Variants in P4HA1 observed in about 807,000 individuals in gnomAD.
The protein encoded by P4HA1 is prolyl 4-hydroxylase subunit alpha-1.
In P4HA1, 24 loss-of-function variants were observed where a neutral mutation model predicts 72.8. The ratio of observed to expected loss-of-function variants is 0.33; its 90% confidence interval spans 0.24 to 0.46. The LOEUF (loss-of-function observed/expected upper bound fraction) is 0.46, where lower values mean the gene tolerates loss of function less well. Among genes scored for constraint, P4HA1 ranks in the 20% least tolerant of loss-of-function variants. The pLI, the probability that P4HA1 is intolerant of heterozygous loss-of-function variation, is 1.00. For missense variants in P4HA1, 446 were observed against 640.6 expected (o/e 0.70, Z 3.28); for synonymous variants, 201 against 218.8 (o/e 0.92, Z 0.72).
intron 5 of P4HA1, among the ~76,000 whole-genome samples, chr10:73,063,097 C>T (rs1252248496): frequency 6.6e-6 from 1 of 152,182 alleles, no homozygotes; most frequent in East Asian, 1.9e-4. Flanking sequence ...CCGCCTTCCA[C>T]TCTAGGAAAG....
chr10:73,037,549 ATATATATATATATATATATATAT>A (rs1483649386), intron 9 of P4HA1, among the ~76,000 whole-genome samples: 67 of 29,324 alleles, frequency 2.3e-3, no homozygotes, highest in East Asian at 0.016. Context: ...ATATATATAT[ATATATATATATATATATATATAT>A]TTTTTTTTTT....
At chr10:73,045,230 GTT>G (rs368227568) in intron 8 of P4HA1, among the ~76,000 whole-genome samples, 179 bp from the exon 9 acceptor site, 13 of 145,256 alleles carry the variant, frequency 8.9e-5, no homozygotes, top group African/African-American at 3.0e-4. Flanking sequence ...GGTTTTTGGG[GTT>G]TTTTTTTTTT....
chr10:73,066,827 T>C (rs2133122393), intron 5 of P4HA1, among the ~76,000 whole-genome samples: 1 of 152,284 alleles, frequency 6.6e-6, no homozygotes, highest in Non-Finnish European at 1.5e-5. Context: ...CCTCATTCTC[T>C]TTCCTGCCAC....
chr10:73,074,759 A>T (rs1165632580), intron 2 of P4HA1, 49 bp downstream of exon 2: 1 of 968,158 alleles, frequency 1.0e-6, no homozygotes, highest in Non-Finnish European at 1.7e-6. Flanking sequence ...TAAAAAATGG[A>T]AATTAAAAAA....
intron 1 of P4HA1, among the ~76,000 whole-genome samples, chr10:73,088,822 A>G (rs1480864562): frequency 6.6e-6 from 1 of 152,216 alleles, no homozygotes; most frequent in Non-Finnish European, 1.5e-5. Flanking sequence ...TTGTGTGACT[A>G]AATTCTCTAT....
At chr10:73,087,649 A>T (rs1016359612) in intron 1 of P4HA1, among the ~76,000 whole-genome samples, 21 of 151,460 alleles carry the variant, frequency 1.4e-4, no homozygotes, top group Admixed American at 4.6e-4. Flanking sequence ...GCTCTTTTTA[A>T]TTAGGTTGTT....
chr10:73,094,481 C>G lies in P4HA1; in HGVS notation c.-33+2285G>C, dbSNP rs1296425951. Among the ~76,000 whole-genome samples, 3 of 152,158 alleles carry G rather than the reference C, an allele frequency of 2.0e-5. No individual in the cohort carries two copies. The East Asian group carries it at 5.8e-4, about 29-fold the overall frequency. On this transcript the variant is annotated intron_variant, in intron 1 of 14. Coordinates refer to ENST00000394890, the MANE Select transcript of P4HA1 (RefSeq NM_001017962.3). ...ATAGGACCACACCTTTCATCAGATT[C>G]TCAAAGGATTTCATGACCTTAAAAT... is the stretch of plus-strand genomic sequence containing the variant.
At chr10:73,063,879 G>A (rs1341298794) in intron 5 of P4HA1, among the ~76,000 whole-genome samples, 1 of 152,148 alleles carries the variant, frequency 6.6e-6, no homozygotes, top group Non-Finnish European at 1.5e-5. Context: ...CAAAAGTAAT[G>A]CAGCATTTGA....
At chr10:73,035,366 ATAAAT>A (rs1259984552) in intron 9 of P4HA1, among the ~76,000 whole-genome samples, 2 of 152,200 alleles carry the variant, frequency 1.3e-5, no homozygotes, top group Admixed American at 6.5e-5. Flanking sequence ...AAAAATTAAA[ATAAAT>A]TAATGAGCAA....
In P4HA1 at chr10:73,014,231, A is replaced by T; in HGVS notation, c.1361T>A (p.Leu454Gln). The change falls in exon 12 of 15, where the codon CTG (leucine) becomes CAG (glutamine). Residue 454 changes from leucine to glutamine, a missense_variant. By Grantham distance (113) the Leu-to-Gln change is moderately radical (BLOSUM62 -2). Transcript: ENST00000394890. ...LGTGNRIATW[L>Q]FYMSDVSAGG... ...ATTTTAGTGACGACTTACATAAAAC[A>T]GCCATGTAGCAATTCTATTTCCTGT... 1 of 1,608,588 alleles carries T rather than the reference A, an allele frequency of 6.2e-7. No homozygotes were observed. The highest frequency in any genetic ancestry group is 8.5e-7 in the Non-Finnish European group (1 of 1,175,350).
intron 9 of P4HA1, among the ~76,000 whole-genome samples, chr10:73,030,717 C>G (rs1412025771): frequency 2.0e-5 from 3 of 152,098 alleles, no homozygotes; most frequent in Non-Finnish European, 2.9e-5. Flanking sequence ...AACGTTCTTT[C>G]CAGGTAAGGT....
chr10:73,051,003 A>ACACATACACACACACATT (rs753412650), intron 7 of P4HA1, 50 bp downstream of exon 7: 6 of 1,264,282 alleles, frequency 4.7e-6, no homozygotes, highest in Admixed American at 3.7e-5. Flanking sequence ...CTGTGTACAA[A>ACACATACACACACACATT]CACATACACA....
At chr10:73,071,141 G>GT (rs1308661453) in intron 4 of P4HA1, among the ~76,000 whole-genome samples, 1 of 150,750 alleles carries the variant, frequency 6.6e-6, no homozygotes, top group African/African-American at 2.4e-5. Flanking sequence ...AGCCACCATT[G>GT]TGCCACTGTA....
intron 9 of P4HA1, among the ~76,000 whole-genome samples, chr10:73,032,217 C>T (rs2133065443): frequency 6.6e-6 from 1 of 152,210 alleles, no homozygotes; most frequent in Non-Finnish European, 1.5e-5. Context: ...AAATGATTTC[C>T]CCAAATCTGT....
chr10:73,037,525 CTATATATATATATATATATATA>C (rs869107512), intron 9 of P4HA1, among the ~76,000 whole-genome samples: 6 of 34,298 alleles, frequency 1.7e-4, no homozygotes, highest in Admixed American at 3.8e-4. Flanking sequence ...TCGAAAACCA[CTATATATATATATATATATATA>C]TATATATATA....
chr10:73,018,046 CTTGAAGGCCTGA>C (rs1840048674), intron 10 of P4HA1, among the ~76,000 whole-genome samples: 1 of 152,164 alleles, frequency 6.6e-6, no homozygotes, highest in Non-Finnish European at 1.5e-5. Context: ...TGAAGGCCTA[CTTGAAGGCCTGA>C]CATTCCCAAG....
At chr10:73,025,029 T>C (rs1454850071) in intron 10 of P4HA1, among the ~76,000 whole-genome samples, 2 of 152,180 alleles carry the variant, frequency 1.3e-5, no homozygotes, top group Non-Finnish European at 2.9e-5. Context: ...ACCAGATGGA[T>C]TCACAGCCGA....
At chr10:73,043,169 A>G (rs1840777315) in intron 9 of P4HA1, among the ~76,000 whole-genome samples, 1 of 152,228 alleles carries the variant, frequency 6.6e-6, no homozygotes. Context: ...TATCAAGTAT[A>G]AACAAGTGAA....
At chr10:73,018,956 G>A (rs1840071925) in intron 10 of P4HA1, among the ~76,000 whole-genome samples, 1 of 152,072 alleles carries the variant, frequency 6.6e-6, no homozygotes, top group Non-Finnish European at 1.5e-5. Context: ...CCTGAGCCCA[G>A]GATCCTAGCC....
Sources: allele counts gnomAD v4.1 joint callset (sites outside exome capture counted in the v4.1 genomes callset), GRCh38; gene constraint gnomAD v4.1.1; transcripts MANE v1.5; gene names NCBI Gene and HGNC (gene_info 2026-07-23, HGNC 2026-07-21).